Variants in ZBBX observed in about 807,000 individuals in gnomAD.
ZBBX encodes zinc finger B-box domain-containing protein 1.
ZBBX carries 101 observed loss-of-function variants against 108.5 expected under a neutral mutation model. The observed-to-expected ratio is 0.93, with a 90% confidence interval of 0.79 to 1.10. The LOEUF (loss-of-function observed/expected upper bound fraction) is 1.10. Ranked by LOEUF, ZBBX falls within the 50% of genes least tolerant of loss-of-function variation. ZBBX has a pLI of 0.00. For missense variants in ZBBX, 1,009 were observed against 941.4 expected (o/e 1.07, Z -0.94); for synonymous variants, 356 against 323.4 (o/e 1.10, Z -1.08).
chr3:167,388,381 C>T lies in ZBBX; in HGVS notation c.-445-7976G>A, dbSNP rs763937400. ...CCATGCCAACTAATATAGGGAGTTACGAACAGGCTTTAAACAGAGGAGTGA... is the reference window on the plus strand; with the variant it reads ...CCATGCCAACTAATATAGGGAGTTATGAACAGGCTTTAAACAGAGGAGTGA... On this transcript the variant is annotated intron_variant, in intron 1 of 21. Coordinates refer to the ZBBX transcript ENST00000455345. 4.0e-5 allele frequency among the ~76,000 whole-genome samples: 6 copies of T among 151,710 alleles called. No individual in the cohort carries two copies. In the South Asian group the frequency reaches 8.3e-4, roughly 21 times the overall value.
chr3:167,247,965 G>A (rs1721880339), intron 20 of ZBBX, among the ~76,000 whole-genome samples: 1 of 152,178 alleles, frequency 6.6e-6, no homozygotes, highest in Non-Finnish European at 1.5e-5. Context: ...CATATGGTTT[G>A]AAATGGCTTT....
chr3:167,178,591 A>G, the ZBBX span, among the ~76,000 whole-genome samples: 1 of 152,192 alleles, frequency 6.6e-6, no homozygotes, highest in African/African-American at 2.4e-5. Context: ...CTTCTTCGGC[A>G]TCTGGCTCAT....
intron 20 of ZBBX, among the ~76,000 whole-genome samples, chr3:167,273,691 C>A (rs13071061): frequency 6.6e-6 from 1 of 151,826 alleles, no homozygotes; most frequent in African/African-American, 2.4e-5. Context: ...GTAACTGGAG[C>A]GGTACTTGTG....
intron 20 of ZBBX, among the ~76,000 whole-genome samples, chr3:167,276,463 C>A (rs200574741): frequency 2.0e-5 from 3 of 152,002 alleles, no homozygotes; most frequent in African/African-American, 4.8e-5. Context: ...GCCTCAGGAG[C>A]CGATGCAATC....
At chr3:167,361,834 A>T (rs550675264) in intron 6 of ZBBX, among the ~76,000 whole-genome samples, 92 of 152,336 alleles carry the variant, frequency 6.0e-4, no homozygotes, top group African/African-American at 1.4e-3. Flanking sequence ...GAATTGAAAC[A>T]TGATCAGTGT....
chr3:167,380,658 A>G (rs758628162), upstream of ZBBX, among the ~76,000 whole-genome samples: 7 of 152,138 alleles, frequency 4.6e-5, no homozygotes, highest in Non-Finnish European at 1.0e-4. Context: ...AAAGCTAGCA[A>G]ATGGCAGACC....
At chr3:167,247,448 G>A (rs1420450798) in intron 20 of ZBBX, among the ~76,000 whole-genome samples, 1 of 152,066 alleles carries the variant, frequency 6.6e-6, no homozygotes, top group Non-Finnish European at 1.5e-5. Flanking sequence ...ATAAAACTTT[G>A]CACTCATTCT....
At chr3:167,295,970 A>G (rs977972425) in intron 18 of ZBBX, among the ~76,000 whole-genome samples, 2 of 151,538 alleles carry the variant, frequency 1.3e-5, no homozygotes, top group Non-Finnish European at 2.9e-5. Flanking sequence ...ACATCAGAAC[A>G]ATATCATTTA....
At chr3:167,356,208 AT>A (rs1297192657) in intron 8 of ZBBX, among the ~76,000 whole-genome samples, 1 of 152,126 alleles carries the variant, frequency 6.6e-6, no homozygotes, top group Non-Finnish European at 1.5e-5. Context: ...AACTTAGGAA[AT>A]ATTAGCATTT....
chr3:167,251,440 G>A (rs4955772), intron 20 of ZBBX, among the ~76,000 whole-genome samples: 37,816 of 152,000 alleles, frequency 0.25, 6,065 homozygotes, highest in East Asian at 0.65. Flanking sequence ...AGACACTCTC[G>A]TGGAGTTGGA....
upstream of ZBBX, among the ~76,000 whole-genome samples, chr3:167,382,272 G>A (rs1450057685): frequency 1.3e-5 from 2 of 152,182 alleles, no homozygotes; most frequent in East Asian, 3.8e-4. Flanking sequence ...AAAATAAAAA[G>A]TATGAAGTGC....
intron 10 of ZBBX, among the ~76,000 whole-genome samples, chr3:167,330,334 T>C (rs940176016): frequency 6.6e-5 from 10 of 152,132 alleles, no homozygotes; most frequent in Non-Finnish European, 1.3e-4. Flanking sequence ...TTTATAAACC[T>C]TTTTTTAAAG....
At chr3:167,235,655 C>T (rs1299914801), downstream of ZBBX, among the ~76,000 whole-genome samples, 1 of 151,512 alleles carries the variant, frequency 6.6e-6, no homozygotes, top group African/African-American at 2.4e-5. Flanking sequence ...AAGAAATAAA[C>T]CCCATCAATC....
the ZBBX span, among the ~76,000 whole-genome samples, chr3:167,199,233 C>T: frequency 3.9e-5 from 6 of 152,124 alleles, no homozygotes; most frequent in Admixed American, 2.0e-4. Context: ...TTGAATTGTA[C>T]CACTGAAAGC....
chr3:167,345,349 G>A (rs1741248320), intron 9 of ZBBX, among the ~76,000 whole-genome samples: 1 of 151,852 alleles, frequency 6.6e-6, no homozygotes, highest in Non-Finnish European at 1.5e-5. Context: ...AACAATCATT[G>A]AAGGGAATGA....
chr3:167,338,559 C>T (rs1466727732), intron 9 of ZBBX, among the ~76,000 whole-genome samples: 1 of 150,554 alleles, frequency 6.6e-6, no homozygotes, highest in Non-Finnish European at 1.5e-5. Context: ...AAAAAGTTCA[C>T]ACATAGTTTA....
At chr3:167,405,127 G>A (rs1001092291) in intron 1 of ZBBX, among the ~76,000 whole-genome samples, 1 of 152,156 alleles carries the variant, frequency 6.6e-6, no homozygotes, top group African/African-American at 2.4e-5. Flanking sequence ...AAGGCAATGA[G>A]CTCTCTTTTG....
chr3:167,368,860 A>G (rs1398684887), intron 4 of ZBBX: 1 of 382,012 alleles, frequency 2.6e-6, no homozygotes, highest in East Asian at 1.1e-4. Flanking sequence ...TTATATATGA[A>G]CAAATATCTA....
intron 19 of ZBBX, among the ~76,000 whole-genome samples, chr3:167,285,676 G>A (rs1346053769): frequency 6.6e-6 from 1 of 152,098 alleles, no homozygotes; most frequent in East Asian, 1.9e-4. Flanking sequence ...CTGAGAGCTT[G>A]TGAATTAATA....
Sources: gnomAD v4.1 joint callset for allele counts (sites outside exome capture counted in the v4.1 genomes callset) on GRCh38, gnomAD v4.1.1 for gene constraint, MANE v1.5 for transcripts, NCBI Gene and HGNC (gene_info 2026-07-23, HGNC 2026-07-21) for gene names.